Variants in RPLP0 observed in about 807,000 individuals in gnomAD.
RPLP0 encodes large ribosomal subunit protein uL10.
For missense variants in RPLP0, 276 were observed against 402.9 expected, an observed-to-expected ratio of 0.69 and a Z score of 2.70; for synonymous variants, 137 against 153.4, an observed-to-expected ratio of 0.89 and a Z score of 0.79.
chr12:120,200,032 C>A (rs1393818957), intron 2 of RPLP0: 2 of 455,954 alleles, frequency 4.4e-6, no homozygotes, highest in African/African-American at 4.0e-5. Context: ...CATTTCTGGG[C>A]AAGGGAGACC....
chr12:120,200,068 T>C (rs143248775), intron 2 of RPLP0: 132 of 456,102 alleles, frequency 2.9e-4, no homozygotes, highest in African/African-American at 2.1e-3. Flanking sequence ...CCAAAAGTCA[T>C]TGGACACTTA....
rs1028040828 is a variant in RPLP0, at chr12:120,198,246, G to A, written c.651+308C>T. On this transcript the variant is annotated intron_variant, in intron 6 of 7. Transcript: ENST00000392514. This position sits in a 1 kb window ranked among gnomAD's most constrained non-coding sequence, Gnocchi z 4.1. ...AAAAATACAAAAAAATTAGCCGGGCGTAGTGGCGGGTGCCTGTAGTCCCAG... is the reference window on the plus strand; with the variant it reads ...AAAAATACAAAAAAATTAGCCGGGCATAGTGGCGGGTGCCTGTAGTCCCAG... 2.3e-5 allele frequency: 7 copies of A among 307,522 alleles called. No homozygotes were observed. Among genetic ancestry groups the A allele is most frequent in the East Asian group, 2.2e-4 (3 of 13,644 alleles). 19.0% of individuals were successfully genotyped at this position (307,522 alleles called of 1,614,324 possible). A position where few individuals can be genotyped will look rare whatever the true frequency, so the allele number is the denominator to read the frequency against.
At chr12:120,197,205 C>T in intron 7 of RPLP0, 117 bp downstream of exon 7, 1 of 1,080,812 alleles carries the variant, frequency 9.3e-7, no homozygotes, top group Non-Finnish European at 1.4e-6. Context: ...CAAATATCCC[C>T]TCACAAAATT....
chr12:120,197,207 C>T lies in RPLP0; in HGVS notation c.792+115G>A. 12 of 1,097,306 alleles carry T rather than the reference C, an allele frequency of 1.1e-5. No homozygotes were observed. In the South Asian group the frequency reaches 1.8e-4, roughly 16 times the overall value. 68.0% of individuals were successfully genotyped at this position (1,097,306 alleles called of 1,614,324 possible). A position where few individuals can be genotyped will look rare whatever the true frequency, so the allele number is the denominator to read the frequency against. The stretch of plus-strand genomic sequence containing the variant: ...CCTCCCAACCTCTCAAATATCCCCT[C>T]ACAAAATTATCTGCTATATAAAATA... On this transcript the variant is annotated intron_variant, in intron 7 of 7. Transcript: ENST00000392514.
In RPLP0 at chr12:120,198,355, C is replaced by T. The variant is rs1269481212; in HGVS notation, c.651+199G>A. Reference sequence around the variant, plus strand: ...GCCGGGAGATTGTGCCACTGCACTCCAGCCTGGGCGACACAGCAAGACTCT... The same window carrying T: ...GCCGGGAGATTGTGCCACTGCACTCTAGCCTGGGCGACACAGCAAGACTCT... On this transcript the variant is annotated intron_variant, in intron 6 of 7. Transcript: ENST00000392514. This position sits in a 1 kb window ranked among gnomAD's most constrained non-coding sequence, Gnocchi z 4.1. 29 of 581,994 alleles carry T rather than the reference C, an allele frequency of 5.0e-5. No individual in the cohort carries two copies. In the Middle Eastern group the frequency reaches 2.9e-3, roughly 57 times the overall value. The allele number at this position is 581,994 out of a possible 1,614,324, so 36.1% of individuals were successfully genotyped here.
At position 120,201,087 on chromosome 12, in the gene RPLP0, C is replaced by G. The variant is rs560884233; in HGVS notation, c.-53G>C. 1 of 368,190 alleles carries G rather than the reference C, an allele frequency of 2.7e-6. No homozygotes were observed. Among genetic ancestry groups the G allele is most frequent in the East Asian group, 4.4e-5 (1 of 22,962 alleles). 22.8% of individuals were successfully genotyped at this position (368,190 alleles called of 1,614,324 possible). ...CCATCTAACTAGCACACGAACCTTC[C>G]ACGAGGACGCCTGGCGAGAGAAGGG... On this transcript the variant is annotated 5_prime_UTR_variant, in exon 1 of 8. Coordinates refer to ENST00000392514, the MANE Select transcript of RPLP0 (RefSeq NM_001002.4).
At position 120,198,120 on chromosome 12, in the gene RPLP0, C is replaced by A. The variant is rs945274314; in HGVS notation, c.651+434G>T. 1.3e-5 allele frequency among the ~76,000 whole-genome samples: 2 copies of A among 152,112 alleles called. No individual in the cohort carries two copies. The highest frequency in any genetic ancestry group is 2.9e-5 in the Non-Finnish European group (2 of 68,010). On this transcript the variant is annotated intron_variant, in intron 6 of 7. Coordinates refer to ENST00000392514, the MANE Select transcript of RPLP0 (RefSeq NM_001002.4). This position sits in a 1 kb window ranked among gnomAD's most constrained non-coding sequence, Gnocchi z 4.1. Reference sequence around the variant, plus strand: ...TAATTCATTAAATCCTTTGGCCAGGCGTGGTGGCTCATGCCTGTAATCCCA... The same window carrying A: ...TAATTCATTAAATCCTTTGGCCAGGAGTGGTGGCTCATGCCTGTAATCCCA...
rs200799516 is a variant in RPLP0, at chr12:120,197,394, A to C, written c.720T>G (p.Ser240=). Residue 240 remains serine (S), a synonymous_variant, in exon 7 of 8, where the codon TCT becomes TCG. Transcript: ENST00000392514. ...GGACTCGTTTGTACCCGTTGATGAT[A>C]GAATGGGGTACTGATGCAACAGTTG... is the stretch of plus-strand genomic sequence containing the variant. ...GYPTVASVPH[S]IINGYKRVLA... 15 of 1,613,802 alleles carry C rather than the reference A, an allele frequency of 9.3e-6. No individual in the cohort carries two copies. In the East Asian group the frequency reaches 3.3e-4, roughly 36 times the overall value.
Position 120,197,580 on chromosome 12 carries a change from A to G in RPLP0, c.652-118T>C. ...ATTGCCAGGTTGGCAGCTCAGTCTC[A>G]AGAGAGGCCATTTCATCTCATACCA... On this transcript the variant is annotated intron_variant, in intron 6 of 7. Coordinates refer to ENST00000392514, the MANE Select transcript of RPLP0 (RefSeq NM_001002.4). The G allele has an allele frequency of 4.2e-6, 5 of 1,177,244 alleles. No individual in the cohort carries two copies. In the South Asian group the frequency reaches 5.7e-5, roughly 13 times the overall value. The allele number at this position is 1,177,244 out of a possible 1,614,324, so 72.9% of individuals were successfully genotyped here. A position where few individuals can be genotyped will look rare whatever the true frequency, so the allele number is the denominator to read the frequency against.
Position 120,200,979 on chromosome 12 carries a change from C to T in RPLP0, c.-49+104G>A, listed in dbSNP as rs1412488263. 8 of 935,166 alleles carry T rather than the reference C, an allele frequency of 8.6e-6. No homozygotes were observed. The East Asian group carries it at 1.9e-4, about 22-fold the overall frequency. 57.9% of individuals were successfully genotyped at this position (935,166 alleles called of 1,614,324 possible). On this transcript the variant is annotated intron_variant, in intron 1 of 7. Coordinates refer to ENST00000392514, the MANE Select transcript of RPLP0 (RefSeq NM_001002.4). Reference sequence around the variant, plus strand: ...CGGGGCGTGCAAGCCGCCACCGAGGCCCCAGGCGGAACAGAATAGGACTCC... The same window carrying T: ...CGGGGCGTGCAAGCCGCCACCGAGGTCCCAGGCGGAACAGAATAGGACTCC...
At position 120,199,201 on chromosome 12, in the gene RPLP0, G is replaced by T; in HGVS notation, c.235C>A (p.Leu79Met). 6.2e-7 allele frequency: 1 copy of T among 1,613,838 alleles called. No individual in the cohort carries two copies. The highest frequency in any genetic ancestry group is 8.5e-7 in the Non-Finnish European group (1 of 1,179,712). The stretch of plus-strand genomic sequence containing the variant: ...CCCACATTCCCCCGGATATGAGGCA[G>T]CAGTCTGCAAAGAGAAGTTTATGGG... ...LENNPALEKL[L>M]PHIRGNVGFV... The change falls in exon 4 of 8, where the codon CTG (leucine) becomes ATG (methionine). Residue 79 changes from leucine (L) to methionine (M), a missense_variant. By Grantham distance (15) the Leu-to-Met change is conservative. Coordinates refer to ENST00000392514, the MANE Select transcript of RPLP0 (RefSeq NM_001002.4).
chr12:120,196,842 T>C lies in RPLP0; in HGVS notation c.885A>G (p.Pro295=). The C allele has an allele frequency of 6.2e-7, 1 of 1,610,274 alleles. No individual in the cohort carries two copies. The highest frequency in any genetic ancestry group is 8.5e-7 in the Non-Finnish European group (1 of 1,178,198). The change falls in exon 8 of 8, where the codon CCA becomes CCG. Residue 295 remains proline (P), a synonymous_variant. Transcript: ENST00000392514. ...ACTCTTCCTTGGCTTCAACCTTAGC[T>C]GGGGCTGCAGCAGCAGCAGGAGCAG... ...TTAAPAAAAA[P]AKVEAKEESE...
chr12:120,196,975 T>C (rs1879207956), intron 7 of RPLP0, 41 bp from the exon 8 acceptor site: 1 of 1,611,210 alleles, frequency 6.2e-7, no homozygotes, highest in Admixed American at 1.7e-5. Context: ...TCATCCACAC[T>C]CCTCTATTAC....
chr12:120,197,294 C>G, intron 7 of RPLP0, 28 bp downstream of exon 7: 1 of 1,606,620 alleles, frequency 6.2e-7, no homozygotes, highest in Non-Finnish European at 8.5e-7. Flanking sequence ...CAGTCAGGCC[C>G]ACTGTGGTCC....
At chr12:120,199,906 C>T (rs57298076) in intron 2 of RPLP0, 6 of 400,920 alleles carry the variant, frequency 1.5e-5, no homozygotes, top group African/African-American at 8.4e-5. Context: ...CGTGTTTATC[C>T]GGATTGTTAC....
intron 7 of RPLP0, 97 bp downstream of exon 7, chr12:120,197,225 A>T: frequency 8.3e-7 from 1 of 1,199,258 alleles, no homozygotes; most frequent in Non-Finnish European, 1.2e-6. Flanking sequence ...TATCTGCTAT[A>T]TAAAATACAA....
At chr12:120,200,097 T>C (rs1462872677) in intron 2 of RPLP0, 1 of 456,010 alleles carries the variant, frequency 2.2e-6, no homozygotes, top group East Asian at 6.9e-5. Context: ...GGCTGACAGG[T>C]CCTAAATATG....
In RPLP0 at chr12:120,197,129, TA is replaced by T. The variant is rs974295072; in HGVS notation, c.792+192del. The T allele has an allele frequency of 3.8e-6, 4 of 1,058,084 alleles. No homozygotes were observed. In the Admixed American group the frequency reaches 6.5e-5, roughly 17 times the overall value. The allele number at this position is 1,058,084 out of a possible 1,614,324, so 65.5% of individuals were successfully genotyped here. On this transcript the variant is annotated intron_variant, in intron 7 of 7. Transcript: ENST00000392514. ...TTCCTAAGGCCCAGCTCTTGCCCAT[TA>T]ACCCCCTCTTTGGGTCTCTTGTCAT...
rs899813081 is a variant in RPLP0, at chr12:120,197,007, A to G, written c.793-73T>C. 3.1e-6 allele frequency: 5 copies of G among 1,599,270 alleles called. No individual in the cohort carries two copies. The African/African-American group carries it at 5.4e-5, about 17-fold the overall frequency. Reference sequence around the variant, plus strand: ...TTACCCACCACCCTCCTGCCTTGGTAGAGTTTAAGGACCAACAATATCAAA... The same window carrying G: ...TTACCCACCACCCTCCTGCCTTGGTGGAGTTTAAGGACCAACAATATCAAA... On this transcript the variant is annotated intron_variant, in intron 7 of 7. Transcript: ENST00000392514.
Sources: gnomAD v4.1 joint callset for allele counts (sites outside exome capture counted in the v4.1 genomes callset) on GRCh38, gnomAD v4.1.1 for gene constraint, Gnocchi (gnomAD v3.1) non-coding constraint, MANE v1.5 for transcripts, NCBI Gene and HGNC (gene_info 2026-07-23, HGNC 2026-07-21) for gene names.